The following ARHGEF33 variants were observed in gnomAD, a reference collection of about 807,000 sequenced individuals.
The protein encoded by ARHGEF33 is Rho guanine nucleotide exchange factor 33.
ARHGEF33 carries 72 observed loss-of-function variants against 101.9 expected under a neutral mutation model. The observed-to-expected ratio is 0.71, with a 90% CI of 0.58 to 0.86. The LOEUF is 0.86. Among genes scored for constraint, ARHGEF33 ranks in the 40% least tolerant of loss-of-function variants. The pLI is 0.00. For missense variants in ARHGEF33, 1,169 were observed against 1,111.3 expected, an observed-to-expected ratio of 1.05 and a Z score of -0.74; for synonymous variants, 499 against 442.5, an observed-to-expected ratio of 1.13 and a Z score of -1.60.
intron 3 of ARHGEF33, 62 bp from the exon 4 acceptor site, chr2:38,921,312 A>G: frequency 1.0e-6 from 1 of 1,002,876 alleles, no homozygotes; most frequent in Non-Finnish European, 1.5e-6. Context: ...CCCTGCATGT[A>G]TCTGGAGGGG....
intron 2 of ARHGEF33, among the ~76,000 whole-genome samples, chr2:38,910,204 T>C (rs887153709): frequency 6.6e-6 from 1 of 152,204 alleles, no homozygotes; most frequent in Non-Finnish European, 1.5e-5. Context: ...GATAAAAAAA[T>C]TTATACTGTT....
chr2:38,923,926 G>C (rs1045856634), intron 4 of ARHGEF33, among the ~76,000 whole-genome samples: 2 of 152,096 alleles, frequency 1.3e-5, no homozygotes, highest in African/African-American at 4.8e-5. Context: ...AAAAGCACTG[G>C]AAGAAATCAC....
chr2:38,971,332 G>A (rs1242468556), intron 17 of ARHGEF33, among the ~76,000 whole-genome samples: 1 of 152,152 alleles, frequency 6.6e-6, no homozygotes, highest in Admixed American at 6.5e-5. Context: ...TACTTGGATG[G>A]TTATGTGTCA....
Position 38,920,175 on chromosome 2 carries a change from C to G in ARHGEF33, c.25+703C>G, listed in dbSNP as rs150749774. On this transcript the variant is annotated intron_variant, in intron 3 of 17. Coordinates refer to ENST00000409978, the MANE Select transcript of ARHGEF33 (RefSeq NM_001145451.5). ...TGCCTTAGGAGAACAATATACACAT[C>G]CACACAACCAAATGTTTGCAACCAG... Among the ~76,000 whole-genome samples the G allele has an allele frequency of 3.9e-5, 6 of 152,244 alleles. No homozygotes were observed. In the East Asian group the frequency reaches 1.2e-3, roughly 29 times the overall value.
Position 38,929,756 on chromosome 2 carries a change from A to G in ARHGEF33, c.288A>G (p.Lys96=). 1 of 1,552,018 alleles carries G rather than the reference A, an allele frequency of 6.4e-7. No homozygotes were observed. Among genetic ancestry groups the G allele is most frequent in the Non-Finnish European group, 8.7e-7 (1 of 1,146,966 alleles). ...AMSMIQAITS[K]QEEMQQKIEQ... The stretch of plus-strand genomic sequence containing the variant: ...CGATGATCCAAGCCATCACTTCCAA[A>G]CAAGAAGAAATGCAACAGAAAATCG... Residue 96 remains lysine, a synonymous_variant, in exon 6 of 18, where the codon AAA becomes AAG. Transcript: ENST00000409978.
chr2:38,940,561 T>C (rs1480679222), intron 9 of ARHGEF33, among the ~76,000 whole-genome samples: 2 of 152,172 alleles, frequency 1.3e-5, no homozygotes, highest in African/African-American at 4.8e-5. Context: ...GTTCGATTCC[T>C]GTTTGTTGCT....
chr2:38,891,216 G>A (rs1341057252), intron 1 of ARHGEF33, among the ~76,000 whole-genome samples: 1 of 152,054 alleles, frequency 6.6e-6, no homozygotes, highest in Non-Finnish European at 1.5e-5. Flanking sequence ...TTACAGGTGT[G>A]AGCCACCATG....
chr2:38,964,189 T>C (rs533739026), intron 16 of ARHGEF33, among the ~76,000 whole-genome samples: 70 of 152,268 alleles, frequency 4.6e-4, no homozygotes, highest in African/African-American at 1.6e-3. Context: ...ATGCTGGAAA[T>C]GGAAGCAGGC....
intron 9 of ARHGEF33, 35 bp from the exon 10 acceptor site, chr2:38,943,866 G>T (rs903566140): frequency 1.9e-6 from 3 of 1,543,004 alleles, no homozygotes; most frequent in Non-Finnish European, 2.6e-6. Context: ...GGAAGAAATG[G>T]TTAATATCAA....
intron 16 of ARHGEF33, among the ~76,000 whole-genome samples, chr2:38,961,903 A>G (rs924486273): frequency 6.6e-6 from 1 of 151,958 alleles, no homozygotes; most frequent in Non-Finnish European, 1.5e-5. Flanking sequence ...AGCGTGAGAA[A>G]AGCATGGTGA....
intron 9 of ARHGEF33, among the ~76,000 whole-genome samples, chr2:38,942,002 G>A (rs1489799321): frequency 3.9e-5 from 1 of 25,872 alleles, no homozygotes; most frequent in Non-Finnish European, 8.1e-5. Flanking sequence ...TACATGTCTT[G>A]GGATTTTTTT....
intron 10 of ARHGEF33, among the ~76,000 whole-genome samples, chr2:38,950,698 A>G (rs1023137023): frequency 6.6e-6 from 1 of 151,908 alleles, no homozygotes; most frequent in Non-Finnish European, 1.5e-5. Context: ...GATCCGCCCA[A>G]CTCCCAAAGT....
intron 4 of ARHGEF33, among the ~76,000 whole-genome samples, chr2:38,928,469 T>C (rs1666921828): frequency 6.6e-6 from 1 of 152,236 alleles, no homozygotes; most frequent in Non-Finnish European, 1.5e-5. Context: ...TATTCTTTAA[T>C]TTCTTAAGAA....
At chr2:38,935,304 C>T (rs1242963477) in intron 7 of ARHGEF33, among the ~76,000 whole-genome samples, 2 of 151,210 alleles carry the variant, frequency 1.3e-5, no homozygotes, top group African/African-American at 4.9e-5. Flanking sequence ...TTTTAGCCTC[C>T]CAGGTAGCTG....
At chr2:38,907,765 A>G (rs1666423178) in intron 2 of ARHGEF33, among the ~76,000 whole-genome samples, 1 of 151,788 alleles carries the variant, frequency 6.6e-6, no homozygotes, top group South Asian at 2.1e-4. Flanking sequence ...GGACTTACTT[A>G]GTGAAAGTAT....
intron 2 of ARHGEF33, among the ~76,000 whole-genome samples, chr2:38,904,728 A>G (rs1313920846): frequency 1.3e-5 from 2 of 151,658 alleles, no homozygotes; most frequent in Non-Finnish European, 2.9e-5. Context: ...AAAAAGGAAA[A>G]GAAGAAAAAG....
chr2:38,894,450 C>A (rs1445538589), intron 1 of ARHGEF33, among the ~76,000 whole-genome samples: 2 of 149,620 alleles, frequency 1.3e-5, no homozygotes, highest in Non-Finnish European at 3.0e-5. Flanking sequence ...ATAATAGAGG[C>A]TTAAACAAGC....
At chr2:38,899,045 G>A (rs1369207610) in intron 2 of ARHGEF33, among the ~76,000 whole-genome samples, 1 of 151,812 alleles carries the variant, frequency 6.6e-6, no homozygotes, top group African/African-American at 2.4e-5. Context: ...TTTAAAGAGT[G>A]GTCTTCTTGC....
At chr2:38,935,922 C>A in intron 8 of ARHGEF33, 88 bp downstream of exon 8, 1 of 1,084,556 alleles carries the variant, frequency 9.2e-7, no homozygotes, top group Non-Finnish European at 1.4e-6. Flanking sequence ...TCCTTAGTTT[C>A]AAACCAGGCA....
Sources: allele counts gnomAD v4.1 joint callset (sites outside exome capture counted in the v4.1 genomes callset), GRCh38; gene constraint gnomAD v4.1.1; transcripts MANE v1.5; gene names NCBI Gene and HGNC (gene_info 2026-07-23, HGNC 2026-07-21).